The following CCDC73 variants were observed in gnomAD, a reference collection of about 807,000 sequenced individuals.
The protein encoded by CCDC73 is coiled-coil domain-containing protein 73.
In CCDC73, 95 loss-of-function variants were observed where a neutral mutation model predicts 116.5. The observed-to-expected ratio is 0.82, with a 90% CI of 0.69 to 0.97. CCDC73 has a LOEUF of 0.97. CCDC73 is among the 50% of genes least tolerant of loss of function. The pLI is 0.00. For missense variants in CCDC73, 1,066 were observed against 1,206.8 expected, an observed-to-expected ratio of 0.88 and a Z score of 1.73; for synonymous variants, 398 against 401.3, an observed-to-expected ratio of 0.99 and a Z score of 0.10.
chr11:32,609,644 G>A (rs1855395275), intron 17 of CCDC73, among the ~76,000 whole-genome samples: 1 of 152,042 alleles, frequency 6.6e-6, no homozygotes, highest in Admixed American at 6.6e-5. Flanking sequence ...TCTGCTCCTG[G>A]TACCAATTTA....
chr11:32,821,063 G>A, the CCDC73 span, among the ~76,000 whole-genome samples: 1 of 151,968 alleles, frequency 6.6e-6, no homozygotes, highest in Non-Finnish European at 1.5e-5. Flanking sequence ...TTTTGATGAG[G>A]TCAAATTTAT....
At chr11:32,754,883 T>G (rs529169692) in intron 2 of CCDC73, among the ~76,000 whole-genome samples, 1 of 135,750 alleles carries the variant, frequency 7.4e-6, no homozygotes, top group East Asian at 2.1e-4. Context: ...TTCAACTTTT[T>G]TTTTTTTTTT....
At position 32,732,143 on chromosome 11, in the gene CCDC73, C is replaced by T. The variant is rs181503957; in HGVS notation, c.136-13996G>A. Among the ~76,000 whole-genome samples, 52 of 152,160 alleles carry T rather than the reference C, an allele frequency of 3.4e-4. 1 individual carries two copies. The East Asian group carries it at 9.1e-3, about 27-fold the overall frequency. ...AATGTGCAAGCTTCAGTAGCTGATT[C>T]GATCAACTGGAAGAAAGGGTATCAG... On this transcript the variant is annotated intron_variant, in intron 2 of 17. Coordinates refer to ENST00000335185, the MANE Select transcript of CCDC73 (RefSeq NM_001008391.4).
intron 13 of CCDC73, among the ~76,000 whole-genome samples, chr11:32,637,000 T>A (rs1442803308): frequency 6.9e-6 from 1 of 145,414 alleles, no homozygotes. Context: ...CCTCTGTCTG[T>A]TTCACTTTTT....
chr11:32,660,298 AG>A (rs1855911500), intron 9 of CCDC73, among the ~76,000 whole-genome samples: 1 of 151,310 alleles, frequency 6.6e-6, no homozygotes, highest in Middle Eastern at 3.4e-3. Flanking sequence ...CGCCCTGAGA[AG>A]TTTTAGCAGT....
intron 1 of CCDC73, among the ~76,000 whole-genome samples, chr11:32,793,326 A>G (rs528862791): frequency 2.6e-4 from 39 of 152,342 alleles, no homozygotes; most frequent in African/African-American, 7.7e-4. Context: ...CTCCATCCAC[A>G]GCGTATTTGC....
intron 1 of CCDC73, among the ~76,000 whole-genome samples, chr11:32,792,928 T>G (rs1013401264): frequency 6.6e-6 from 1 of 152,168 alleles, no homozygotes; most frequent in Non-Finnish European, 1.5e-5. Context: ...ATGAGATAAC[T>G]TCCAGCCCCT....
intron 12 of CCDC73, among the ~76,000 whole-genome samples, chr11:32,649,836 G>A (rs983015741): frequency 5.9e-5 from 9 of 152,134 alleles, no homozygotes; most frequent in Non-Finnish European, 4.4e-5. Flanking sequence ...AGTAATGATA[G>A]ATTGTATTGT....
rs78405694 is a variant in CCDC73, at chr11:32,698,540, T to C, written c.390+711A>G. The stretch of plus-strand genomic sequence containing the variant: ...GCTAGACTCGATCACTTGATTGAAG[T>C]GGTGACCTTCAGGATCCTTCTAATG... On this transcript the variant is annotated intron_variant, in intron 6 of 17. Transcript: ENST00000335185. 3.1e-3 allele frequency among the ~76,000 whole-genome samples: 465 copies of C among 152,370 alleles called. 13 individuals carry two copies. In the East Asian group the frequency reaches 0.08, roughly 26 times the overall value.
intron 1 of CCDC73, among the ~76,000 whole-genome samples, chr11:32,771,948 G>A (rs928188417): frequency 2.6e-5 from 4 of 152,164 alleles, no homozygotes; most frequent in African/African-American, 7.2e-5. Flanking sequence ...TACAAAGAAC[G>A]AGAAGTTCAG....
At chr11:32,635,299 G>A (rs931502042) in intron 14 of CCDC73, among the ~76,000 whole-genome samples, 1 of 152,194 alleles carries the variant, frequency 6.6e-6, no homozygotes, top group African/African-American at 2.4e-5. Context: ...ACTTAGCTAC[G>A]TTTTATAGCT....
At chr11:32,804,148 G>T in the CCDC73 span, among the ~76,000 whole-genome samples, 7 of 151,138 alleles carry the variant, frequency 4.6e-5, no homozygotes, top group Admixed American at 1.3e-4. Flanking sequence ...ACATCATTTC[G>T]TTTTTTTTGA....
intron 9 of CCDC73, among the ~76,000 whole-genome samples, chr11:32,655,945 T>C (rs1300992987): frequency 6.6e-6 from 1 of 152,206 alleles, no homozygotes; most frequent in Non-Finnish European, 1.5e-5. Flanking sequence ...TGTTCTTCTG[T>C]GTATATTGAC....
At chr11:32,673,626 A>G (rs1447567017) in intron 9 of CCDC73, among the ~76,000 whole-genome samples, 1 of 152,192 alleles carries the variant, frequency 6.6e-6, no homozygotes, top group African/African-American at 2.4e-5. Flanking sequence ...CTGTGAAACA[A>G]CTTTCTCTGT....
intron 2 of CCDC73, among the ~76,000 whole-genome samples, chr11:32,722,844 A>C (rs1029213340): frequency 2.0e-5 from 3 of 152,150 alleles, no homozygotes; most frequent in African/African-American, 7.2e-5. Context: ...CCTGGACATA[A>C]TATAATGAGG....
intron 9 of CCDC73, among the ~76,000 whole-genome samples, chr11:32,657,255 A>ATG (rs1231407398): frequency 3.9e-5 from 6 of 152,186 alleles, no homozygotes; most frequent in Non-Finnish European, 8.8e-5. Flanking sequence ...TCCAAATTCA[A>ATG]AATCCAGGAG....
chr11:32,749,966 G>A (rs1312604546), intron 2 of CCDC73, among the ~76,000 whole-genome samples: 2 of 151,796 alleles, frequency 1.3e-5, no homozygotes, highest in South Asian at 2.1e-4. Context: ...CACCTCCCGG[G>A]TTCAAGCCAT....
chr11:32,799,361 G>A (rs1850752345), upstream of CCDC73, among the ~76,000 whole-genome samples: 1 of 151,908 alleles, frequency 6.6e-6, no homozygotes, highest in South Asian at 2.1e-4. Flanking sequence ...CAAAGTGCTG[G>A]GATTACAGGC....
Position 32,653,174 on chromosome 11 carries a change from T to C in CCDC73, c.888A>G (p.Gln296=), listed in dbSNP as rs200705996. Residue 296 remains glutamine (Q), a synonymous_variant, in exon 12 of 18, where the codon CAA becomes CAG. Transcript: ENST00000335185. The part of the protein sequence containing the change: ...HMQQLLRQQI[Q]ANTEMEAELK... ...ATTCTGCCTCCATTTCAGTATTAGC[T>C]TGAATTTGTTGCCGAAGTAACTGCT... The C allele has an allele frequency of 6.3e-4, 1,012 of 1,612,234 alleles. 2 individuals carry two copies. Among genetic ancestry groups the C allele is most frequent in the Non-Finnish European group, 7.8e-4 (921 of 1,179,224 alleles).
Sources: gnomAD v4.1 joint callset for allele counts (sites outside exome capture counted in the v4.1 genomes callset) on GRCh38, gnomAD v4.1.1 for gene constraint, MANE v1.5 for transcripts, NCBI Gene and HGNC (gene_info 2026-07-23, HGNC 2026-07-21) for gene names.